The following LRIF1 variants were observed in gnomAD, a reference collection of about 807,000 sequenced individuals.
The protein encoded by LRIF1 is ligand dependent nuclear receptor interacting factor 1.
LRIF1 carries 32 observed loss-of-function variants against 52.7 expected under a neutral mutation model. The observed-to-expected ratio is 0.61, with a 90% CI of 0.46 to 0.82. The LOEUF is 0.82. Ranked by LOEUF, LRIF1 falls within the 40% of genes least tolerant of loss-of-function variation. LRIF1 has a pLI of 0.00. For missense variants in LRIF1, 887 were observed against 892.0 expected (o/e 0.99, Z 0.07); for synonymous variants, 323 against 317.4 (o/e 1.02, Z -0.19).
At chr1:110,891,623 T>C in the LRIF1 span, 3 of 659,302 alleles carry the variant, frequency 4.6e-6, no homozygotes, top group Non-Finnish European at 8.1e-6. Flanking sequence ...AGTAATAATT[T>C]TTCCCCTCTT....
At chr1:110,902,207 C>T in the LRIF1 span, among the ~76,000 whole-genome samples, 2 of 152,164 alleles carry the variant, frequency 1.3e-5, no homozygotes, top group Admixed American at 1.3e-4. Flanking sequence ...TTCAATGACT[C>T]TGTTCTTAGG....
chr1:110,875,805 G>C, the LRIF1 span, among the ~76,000 whole-genome samples: 14 of 152,222 alleles, frequency 9.2e-5, no homozygotes, highest in African/African-American at 3.4e-4. Context: ...TGGTCAGTTT[G>C]AGAAGGCTGT....
the LRIF1 span, chr1:110,940,954 C>G: frequency 3.3e-5 from 5 of 152,142 alleles, no homozygotes; most frequent in African/African-American, 1.2e-4. Flanking sequence ...GTTGATTGAA[C>G]ATTTTAAAAT....
At chr1:110,949,528 T>G (rs1658371537) in intron 3 of LRIF1, among the ~76,000 whole-genome samples, 1 of 151,682 alleles carries the variant, frequency 6.6e-6, no homozygotes, top group African/African-American at 2.4e-5. Context: ...CAAGTGATTC[T>G]CCTGCCTCAG....
At chr1:110,908,664 T>C in the LRIF1 span, among the ~76,000 whole-genome samples, 28 of 152,074 alleles carry the variant, frequency 1.8e-4, no homozygotes, top group African/African-American at 6.5e-4. Context: ...GACCATTCTT[T>C]TGAATCAATA....
At chr1:110,927,014 T>C in the LRIF1 span, among the ~76,000 whole-genome samples, 1 of 152,124 alleles carries the variant, frequency 6.6e-6, no homozygotes, top group South Asian at 2.1e-4. Context: ...AAAGGTAGAC[T>C]TTTCAATTAA....
At chr1:110,878,383 G>C in the LRIF1 span, among the ~76,000 whole-genome samples, 67 of 152,094 alleles carry the variant, frequency 4.4e-4, 1 homozygote, top group South Asian at 8.1e-3. Context: ...ATAGGGAGCC[G>C]TAATTACCTT....
chr1:110,959,419 T>C (rs1658854586), intron 1 of LRIF1, among the ~76,000 whole-genome samples: 1 of 152,006 alleles, frequency 6.6e-6, no homozygotes, highest in Non-Finnish European at 1.5e-5. Context: ...ATGCAATTGG[T>C]CTCTGAGAAT....
In LRIF1 at chr1:110,950,100, T is replaced by C. The variant is rs1374314591; in HGVS notation, c.1620A>G (p.Thr540=). The C allele has an allele frequency of 1.2e-6, 2 of 1,612,998 alleles. No homozygotes were observed. The highest frequency in any genetic ancestry group is 1.7e-5 in the Admixed American group (1 of 59,952). ...TTCTTCCTTGGGCACCTTTATCTGA[T>C]GTTGATGCCATCTCATTATGGATCT... The part of the protein sequence containing the change: ...EPKIHNEMAS[T]SDKGAQGRND... Residue 540 remains threonine (T), a synonymous_variant, in exon 3 of 4, where the codon ACA becomes ACG. Transcript: ENST00000369763.
At chr1:110,944,243 T>G (rs1658150641), downstream of LRIF1, 1 of 152,200 alleles carries the variant, frequency 6.6e-6, no homozygotes, top group African/African-American at 2.4e-5. Context: ...GAGTAAAGCA[T>G]GACTTCAAGA....
At chr1:110,925,197 A>G in the LRIF1 span, among the ~76,000 whole-genome samples, 2 of 152,298 alleles carry the variant, frequency 1.3e-5, no homozygotes, top group East Asian at 1.9e-4. Context: ...ATTTCCCTCT[A>G]TAATGTGGGT....
the LRIF1 span, among the ~76,000 whole-genome samples, chr1:110,888,064 C>A: frequency 6.6e-6 from 1 of 152,048 alleles, no homozygotes; most frequent in South Asian, 2.1e-4. Context: ...TTGCACGATG[C>A]AAGAAAGGAG....
chr1:110,958,836 T>C (rs1252483321), intron 1 of LRIF1, among the ~76,000 whole-genome samples: 1 of 152,218 alleles, frequency 6.6e-6, no homozygotes, highest in East Asian at 1.9e-4. Flanking sequence ...GTTAGCTGAA[T>C]TGAATCCTAC....
At chr1:110,945,511 C>T (rs1658183815), downstream of LRIF1, among the ~76,000 whole-genome samples, 1 of 151,852 alleles carries the variant, frequency 6.6e-6, no homozygotes, top group African/African-American at 2.4e-5. Context: ...CTGCAACCTC[C>T]ACCTCCCGGG....
chr1:110,950,204 A>G (rs929651759), intron 2 of LRIF1, 81 bp from the exon 3 acceptor site: 2 of 1,446,808 alleles, frequency 1.4e-6, no homozygotes, highest in Non-Finnish European at 1.9e-6. Context: ...TGATTATTTC[A>G]TCTTACATAA....
the LRIF1 span, among the ~76,000 whole-genome samples, chr1:110,918,757 C>G: frequency 6.6e-6 from 1 of 152,066 alleles, no homozygotes; most frequent in Non-Finnish European, 1.5e-5. Context: ...CTTCATGGTA[C>G]AGAAGTCAGA....
chr1:110,886,846 A>AAGATATATAT, the LRIF1 span, among the ~76,000 whole-genome samples: 112 of 100,990 alleles, frequency 1.1e-3, 10 homozygotes, highest in East Asian at 6.0e-3. Flanking sequence ...CTCTGTCTCC[A>AAGATATATAT]ATATATATAT....
intron 1 of LRIF1, 193 bp from the exon 2 acceptor site, chr1:110,953,008 T>C (rs1207367075): frequency 7.9e-6 from 2 of 254,016 alleles, no homozygotes; most frequent in African/African-American, 2.2e-5. Flanking sequence ...ACTGCTTATA[T>C]GATTAGGCAA....
At chr1:110,875,095 G>T in the LRIF1 span, among the ~76,000 whole-genome samples, 1 of 152,200 alleles carries the variant, frequency 6.6e-6, no homozygotes, top group Non-Finnish European at 1.5e-5. Flanking sequence ...GCCTAGAGAG[G>T]TGACTGGTGG....
Sources: allele counts gnomAD v4.1 joint callset (sites outside exome capture counted in the v4.1 genomes callset), GRCh38; gene constraint gnomAD v4.1.1; transcripts MANE v1.5; gene names NCBI Gene and HGNC (gene_info 2026-07-23, HGNC 2026-07-21).